The following RBX1 variants were observed in gnomAD, a reference collection of about 807,000 sequenced individuals.
The protein encoded by RBX1 is ring-box 1.
For synonymous variants in RBX1, 48 were observed against 47.9 expected (o/e 1.00, Z -0.01); for missense variants, 46 against 141.4 (o/e 0.33, Z 3.42).
intron 2 of RBX1, among the ~76,000 whole-genome samples, chr22:40,963,709 TGTG>T (rs2058346914): frequency 1.3e-5 from 2 of 151,950 alleles, no homozygotes; most frequent in Admixed American, 6.6e-5. Context: ...AATTAGCTGG[TGTG>T]GTGGCACGCA....
chr22:40,965,149 A>G (rs1167494924), intron 3 of RBX1, among the ~76,000 whole-genome samples: 1 of 151,920 alleles, frequency 6.6e-6, no homozygotes, highest in Non-Finnish European at 1.5e-5. Flanking sequence ...TAAAAATACA[A>G]AAAATTAGCC....
intron 2 of RBX1, among the ~76,000 whole-genome samples, chr22:40,961,837 T>G (rs978230280): frequency 6.6e-6 from 1 of 150,764 alleles, no homozygotes; most frequent in African/African-American, 2.4e-5. Context: ...CAGGCTGGAA[T>G]GCAGTGGTGT....
chr22:40,967,675 G>T, intron 3 of RBX1, 124 bp from the exon 4 acceptor site: 1 of 652,458 alleles, frequency 1.5e-6, no homozygotes, highest in Non-Finnish European at 2.6e-6. Flanking sequence ...TTTGCCTCTC[G>T]TTGTCTTCTT....
intron 2 of RBX1, among the ~76,000 whole-genome samples, chr22:40,956,601 T>G (rs1183394966): frequency 5.9e-5 from 9 of 151,850 alleles, no homozygotes; most frequent in African/African-American, 2.2e-4. Flanking sequence ...TCCATTCGCC[T>G]TGGCCTCTCA....
intron 4 of RBX1, among the ~76,000 whole-genome samples, chr22:40,970,577 A>G (rs536674847): frequency 7.2e-5 from 11 of 152,134 alleles, no homozygotes; most frequent in Non-Finnish European, 1.0e-4. Context: ...AGATTGGGCA[A>G]TTGTTCATGT....
intron 2 of RBX1, among the ~76,000 whole-genome samples, chr22:40,956,059 C>A (rs930904336): frequency 6.6e-6 from 1 of 151,386 alleles, no homozygotes; most frequent in Non-Finnish European, 1.5e-5. Context: ...TTTTATATAA[C>A]CCTGATTTTT....
At chr22:40,965,175 C>T (rs1275546690) in intron 3 of RBX1, among the ~76,000 whole-genome samples, 15 of 151,784 alleles carry the variant, frequency 9.9e-5, no homozygotes, top group African/African-American at 2.9e-4. Flanking sequence ...TGGTGGCAGG[C>T]GCCTGTAGTC....
At chr22:40,960,431 G>C (rs996930807) in intron 2 of RBX1, among the ~76,000 whole-genome samples, 1 of 152,070 alleles carries the variant, frequency 6.6e-6, no homozygotes, top group Non-Finnish European at 1.5e-5. Flanking sequence ...ATAGGAGGAG[G>C]AGCATGTTCC....
chr22:40,952,916 A>G (rs891133842), intron 1 of RBX1, among the ~76,000 whole-genome samples: 1 of 150,826 alleles, frequency 6.6e-6, no homozygotes, highest in Non-Finnish European at 1.5e-5. Context: ...TAGAGCAGAT[A>G]CTTATTCAGA....
chr22:40,967,717 C>A, intron 3 of RBX1, 82 bp from the exon 4 acceptor site: 1 of 1,081,318 alleles, frequency 9.2e-7, no homozygotes, highest in Non-Finnish European at 1.4e-6. Flanking sequence ...GTCACCCATG[C>A]CACTACCCTG....
At chr22:40,961,081 C>CTTTTTTTT (rs61092253) in intron 2 of RBX1, among the ~76,000 whole-genome samples, 2 of 107,664 alleles carry the variant, frequency 1.9e-5, no homozygotes, top group African/African-American at 3.7e-5. Context: ...CGTGCCTGGC[C>CTTTTTTTT]TTTTTTTTTT....
At chr22:40,953,149 CCTGGCTA>C (rs2058316046) in intron 1 of RBX1, among the ~76,000 whole-genome samples, 2 of 152,010 alleles carry the variant, frequency 1.3e-5, no homozygotes, top group African/African-American at 2.4e-5. Context: ...CGCCACCAGG[CCTGGCTA>C]ATTTTTGTAT....
intron 4 of RBX1, among the ~76,000 whole-genome samples, chr22:40,968,271 C>T (rs1342640418): frequency 1.3e-5 from 2 of 151,602 alleles, no homozygotes; most frequent in African/African-American, 2.4e-5. Context: ...TTGTATTTTT[C>T]GTAGAGATTG....
chr22:40,969,877 A>C (rs918149450), intron 4 of RBX1, among the ~76,000 whole-genome samples: 5 of 150,970 alleles, frequency 3.3e-5, no homozygotes, highest in Non-Finnish European at 7.4e-5. Flanking sequence ...TGACAGAGTG[A>C]GACCCTATCT....
chr22:40,965,529 C>T (rs2058352002), intron 3 of RBX1, among the ~76,000 whole-genome samples: 1 of 150,654 alleles, frequency 6.6e-6, no homozygotes, highest in Non-Finnish European at 1.5e-5. Flanking sequence ...CAACCTTTAT[C>T]TCCTGGGTTC....
intron 3 of RBX1, 102 bp from the exon 4 acceptor site, chr22:40,967,697 C>A: frequency 1.3e-6 from 1 of 784,242 alleles, no homozygotes; most frequent in Non-Finnish European, 2.0e-6. Context: ...TCTTTTCTTG[C>A]CCACTATATG....
intron 4 of RBX1, among the ~76,000 whole-genome samples, chr22:40,971,745 C>G (rs900775422): frequency 6.6e-6 from 1 of 151,886 alleles, no homozygotes; most frequent in Non-Finnish European, 1.5e-5. Flanking sequence ...TTAGTAGAGA[C>G]GGGGTTTCAC....
chr22:40,960,436 T>C (rs990104649), intron 2 of RBX1, among the ~76,000 whole-genome samples: 1 of 152,088 alleles, frequency 6.6e-6, no homozygotes. Flanking sequence ...AGGAGGAGCA[T>C]GTTCCAGGTA....
rs975251571 is a variant in RBX1 at position 40,972,676 on chromosome 22, T to C, written c.*188T>C. The C allele has an allele frequency of 3.6e-6, 2 of 562,618 alleles. No homozygotes were observed. The highest frequency in any genetic ancestry group is 6.4e-6 in the Non-Finnish European group (2 of 311,072). 34.9% of individuals were successfully genotyped at this position (562,618 alleles called of 1,614,324 possible). On this transcript the variant is annotated 3_prime_UTR_variant, in exon 5 of 5. Coordinates refer to ENST00000216225, the MANE Select transcript of RBX1 (RefSeq NM_014248.4). ...GTTGGATTCTGGAACGGATGCTCTC[T>C]CTTGTGTATGTGAACAAAGTGAACA...
Sources: allele counts gnomAD v4.1 joint callset (sites outside exome capture counted in the v4.1 genomes callset), GRCh38; gene constraint gnomAD v4.1.1; transcripts MANE v1.5; gene names NCBI Gene and HGNC (gene_info 2026-07-23, HGNC 2026-07-21).